Variants in CRAMP1 observed in about 807,000 individuals in gnomAD.
The protein encoded by CRAMP1 is cramped chromatin regulator 1, also known as protein cramped-like.
In CRAMP1, 50 loss-of-function variants were observed where a neutral mutation model predicts 115.4. The observed-to-expected ratio is 0.43, with a 90% CI of 0.35 to 0.55. The LOEUF (loss-of-function observed/expected upper bound fraction) is 0.55, where lower values mean the gene tolerates loss of function less well. CRAMP1 is among the 20% of genes least tolerant of loss of function. The pLI, the probability that CRAMP1 is intolerant of heterozygous loss-of-function variation, is 0.01. For synonymous variants in CRAMP1, 866 were observed against 745.4 expected (o/e 1.16, Z -2.64); for missense variants, 1,679 against 1,721.7 (o/e 0.98, Z 0.44).
At chr16:1,628,498 C>T (rs2036524398) in intron 3 of CRAMP1, among the ~76,000 whole-genome samples, 1 of 152,230 alleles carries the variant, frequency 6.6e-6, no homozygotes, top group Admixed American at 6.5e-5. Flanking sequence ...GGGTGATCCA[C>T]CTGCCCCAGC....
chr16:1,659,926 C>G lies in CRAMP1; in HGVS notation c.2276C>G (p.Pro759Arg), dbSNP rs1317423233. Residue 759 changes from proline to arginine, a missense_variant, in exon 11 of 21, where the codon CCC becomes CGC. By Grantham distance (103) the Pro-to-Arg change is moderately radical. This residue lies in a region of CRAMP1 where 709 missense variants were observed against 741.9 expected (regional missense o/e 0.96). Coordinates refer to ENST00000397412, the MANE Select transcript of CRAMP1 (RefSeq NM_020825.4). ...ANTISTASVR[P>R]AQEEQSMTPP... ...ACCATCTCTACAGCCTCAGTAAGGCCCGCCCAGGAGGAGCAGTCGATGACG... is the reference window on the plus strand; with the variant it reads ...ACCATCTCTACAGCCTCAGTAAGGCGCGCCCAGGAGGAGCAGTCGATGACG... The G allele has an allele frequency of 1.9e-5, 31 of 1,612,828 alleles. No homozygotes were observed. Among genetic ancestry groups the G allele is most frequent in the Non-Finnish European group, 2.6e-5 (31 of 1,179,842 alleles).
At chr16:1,640,913 C>T (rs1287442333) in intron 5 of CRAMP1, among the ~76,000 whole-genome samples, 1 of 152,136 alleles carries the variant, frequency 6.6e-6, no homozygotes, top group Non-Finnish European at 1.5e-5. Context: ...GGGGGCCAGG[C>T]AGGGGCGTGC....
intron 19 of CRAMP1, chr16:1,670,404 G>A (rs1425618681): frequency 4.5e-6 from 2 of 441,912 alleles, no homozygotes; most frequent in Non-Finnish European, 8.2e-6. Flanking sequence ...CCGTGATGGG[G>A]GTGGGGGATG....
chr16:1,663,556 G>A (rs569870733), intron 13 of CRAMP1, among the ~76,000 whole-genome samples: 1 of 152,262 alleles, frequency 6.6e-6, no homozygotes, highest in Non-Finnish European at 1.5e-5. Context: ...CAGCCTGACT[G>A]TTGTTTTGTT....
intron 13 of CRAMP1, among the ~76,000 whole-genome samples, chr16:1,663,645 C>T (rs1201927016): frequency 6.6e-6 from 1 of 152,122 alleles, no homozygotes; most frequent in Non-Finnish European, 1.5e-5. Flanking sequence ...TCAGTGGTCA[C>T]AAGGTGTACG....
chr16:1,662,786 A>G lies in CRAMP1; in HGVS notation c.2621A>G (p.Lys874Arg). Residue 874 changes from lysine to arginine, a missense_variant, in exon 13 of 21, where the codon AAG becomes AGG. This residue lies in a region of CRAMP1 where 709 missense variants were observed against 741.9 expected (regional missense o/e 0.96). Coordinates refer to ENST00000397412, the MANE Select transcript of CRAMP1 (RefSeq NM_020825.4). The part of the protein sequence containing the change: ...ISMQSDFFLP[K>R]PRKLRNRHLR... ...ATGCAGTCGGATTTCTTCCTGCCAA[A>G]GCCCCGGAAGCTGCGGAACCGGCAC... 6 of 1,613,892 alleles carry G rather than the reference A, an allele frequency of 3.7e-6. No individual in the cohort carries two copies. Among genetic ancestry groups the G allele is most frequent in the Non-Finnish European group, 5.1e-6 (6 of 1,179,876 alleles).
intron 6 of CRAMP1, chr16:1,647,144 C>G: frequency 1.4e-6 from 1 of 691,074 alleles, no homozygotes; most frequent in Non-Finnish European, 2.6e-6. Context: ...GACTTGCTGT[C>G]GCCTCTACCT....
rs1222198199 is a variant in CRAMP1 at position 1,671,311 on chromosome 16, C to G, written c.3645+502C>G. 6.6e-6 allele frequency among the ~76,000 whole-genome samples: 1 copy of G among 152,170 alleles called. No homozygotes were observed. Among genetic ancestry groups the G allele is most frequent in the Admixed American group, 6.5e-5 (1 of 15,284 alleles). ...GGGCTCTGCTGTCCTCATGCTTCTC[C>G]CACGCCCAGGGTAGTGATAGGAGGA... is the stretch of plus-strand genomic sequence containing the variant. On this transcript the variant is annotated intron_variant, in intron 20 of 20. Coordinates refer to ENST00000397412, the MANE Select transcript of CRAMP1 (RefSeq NM_020825.4). The surrounding 1 kb of genome is among the most constrained non-coding windows in gnomAD (Gnocchi z 5.0).
chr16:1,628,357 G>A (rs1291209963), intron 3 of CRAMP1, among the ~76,000 whole-genome samples: 1 of 152,174 alleles, frequency 6.6e-6, no homozygotes, highest in Non-Finnish European at 1.5e-5. Flanking sequence ...GGGTTAAAGC[G>A]ATTCTCCTGC....
intron 2 of CRAMP1, among the ~76,000 whole-genome samples, chr16:1,622,099 AG>A (rs2036469877): frequency 6.6e-6 from 1 of 152,080 alleles, no homozygotes; most frequent in South Asian, 2.1e-4. Flanking sequence ...ATTTCGCTTG[AG>A]CTGTACTCAG....
At position 1,656,242 on chromosome 16, in the gene CRAMP1, C is replaced by G. The variant is rs766016548; in HGVS notation, c.1485C>G (p.Pro495=). The G allele has an allele frequency of 1.9e-6, 3 of 1,609,176 alleles. No individual in the cohort carries two copies. Among genetic ancestry groups the G allele is most frequent in the African/African-American group, 2.7e-5 (2 of 74,856 alleles). Residue 495 remains proline (P), a synonymous_variant, in exon 10 of 21, where the codon CCC becomes CCG. Coordinates refer to ENST00000397412, the MANE Select transcript of CRAMP1 (RefSeq NM_020825.4). This position sits in a 1 kb window ranked among gnomAD's most constrained non-coding sequence, Gnocchi z 5.6. ...GAGAGAGTTCCCCCGAAAGCGCCCCCGGGGAGGGGGCTGCCCTAAGCTTGA... is the reference window on the plus strand; with the variant it reads ...GAGAGAGTTCCCCCGAAAGCGCCCCGGGGGAGGGGGCTGCCCTAAGCTTGA... ...SSGESSPESA[P]GEGAALSLSS... is the part of the protein sequence containing the mutation.
At chr16:1,617,560 A>G (rs2036431537) in intron 2 of CRAMP1, among the ~76,000 whole-genome samples, 1 of 152,204 alleles carries the variant, frequency 6.6e-6, no homozygotes, top group South Asian at 2.1e-4. Flanking sequence ...TTCACTTGGA[A>G]ATGATGTAAC....
chr16:1,629,683 G>C (rs549144689), intron 3 of CRAMP1, among the ~76,000 whole-genome samples: 1 of 152,336 alleles, frequency 6.6e-6, no homozygotes, highest in East Asian at 1.9e-4. Flanking sequence ...TCTTGCCGAG[G>C]CCCAGGGAGC....
rs2036950329 is a variant in CRAMP1, at chr16:1,674,446, C to T, written c.*401C>T. On this transcript the variant is annotated 3_prime_UTR_variant, in exon 21 of 21. Coordinates refer to ENST00000397412, the MANE Select transcript of CRAMP1 (RefSeq NM_020825.4). ...GCACTAGGAGCTGTGATCTCCCTCT[C>T]TGCAGGGAGGCCCCAGCCCCTGCTG... The T allele has an allele frequency of 4.8e-6, 1 of 209,008 alleles. No individual in the cohort carries two copies. Among genetic ancestry groups the T allele is most frequent in the Non-Finnish European group, 9.7e-6 (1 of 102,626 alleles). 12.9% of individuals were successfully genotyped at this position (209,008 alleles called of 1,614,324 possible).
Position 1,614,839 on chromosome 16 carries a change from A to G in CRAMP1, c.200A>G (p.Gln67Arg). 7.8e-7 allele frequency: 1 copy of G among 1,276,752 alleles called. No individual in the cohort carries two copies. Among genetic ancestry groups the G allele is most frequent in the Non-Finnish European group, 9.8e-7 (1 of 1,015,946 alleles). 79.1% of individuals were successfully genotyped at this position (1,276,752 alleles called of 1,614,324 possible). Residue 67 changes from glutamine to arginine, a missense_variant, in exon 2 of 21, where the codon CAG becomes CGG. By Grantham distance (43) the Gln-to-Arg change is conservative. This residue lies in a region of CRAMP1 where 264 missense variants were observed against 229.7 expected (regional missense o/e 1.15). Transcript: ENST00000397412. This position sits in a 1 kb window ranked among gnomAD's most constrained non-coding sequence, Gnocchi z 4.4. Reference sequence around the variant, plus strand: ...CCCCCCGCGCCCCCCGGCGCGCCGCAGGCGCCGTCCCCGCCGCAGGGCAGC... The same window carrying G: ...CCCCCCGCGCCCCCCGGCGCGCCGCGGGCGCCGTCCCCGCCGCAGGGCAGC... ...DGPPAPPGAPQAPSPPQGSPQ... is the reference protein window; with the variant it reads ...DGPPAPPGAPRAPSPPQGSPQ...
rs199939819 is a variant in CRAMP1 at position 1,662,641 on chromosome 16, G to T, written c.2565G>T (p.Leu855=). The T allele has an allele frequency of 1.1e-5, 18 of 1,614,032 alleles. No individual in the cohort carries two copies. The African/African-American group carries it at 2.0e-4, about 18-fold the overall frequency. Residue 855 remains leucine, a synonymous_variant, in exon 12 of 21, where the codon CTG becomes CTT. Coordinates refer to ENST00000397412, the MANE Select transcript of CRAMP1 (RefSeq NM_020825.4). ...KLFSPSKEAE[L]TFRQHLNSIS... ...TCTCTCCCAGTAAAGAAGCAGAGCT[G>T]ACTTTCCGCCAGCATCTGAACTCCA...
Position 1,674,020 on chromosome 16 carries a change from C to T in CRAMP1, c.3785C>T (p.Pro1262Leu). The change falls in exon 21 of 21, where the codon CCC (proline) becomes CTC (leucine). Residue 1262 changes from proline (P) to leucine (L), a missense_variant. Coordinates refer to ENST00000397412, the MANE Select transcript of CRAMP1 (RefSeq NM_020825.4). ...EALFDGGGGG[P>L]AVSDLSQ is the part of the protein sequence containing the mutation. ...CTGTTTGATGGTGGTGGAGGCGGCCCCGCTGTCAGTGACCTGTCCCAGTGA... is the reference window on the plus strand; with the variant it reads ...CTGTTTGATGGTGGTGGAGGCGGCCTCGCTGTCAGTGACCTGTCCCAGTGA... 1 of 1,612,178 alleles carries T rather than the reference C, an allele frequency of 6.2e-7. No homozygotes were observed. The highest frequency in any genetic ancestry group is 8.5e-7 in the Non-Finnish European group (1 of 1,179,866).
chr16:1,656,201 G>T lies in CRAMP1; in HGVS notation c.1444G>T (p.Ala482Ser). 1 of 1,603,106 alleles carries T rather than the reference G, an allele frequency of 6.2e-7. No homozygotes were observed. Among genetic ancestry groups the T allele is most frequent in the Non-Finnish European group, 8.5e-7 (1 of 1,175,766 alleles). The change falls in exon 10 of 21, where the codon GCC becomes TCC. Residue 482 changes from alanine to serine, a missense_variant. Coordinates refer to ENST00000397412, the MANE Select transcript of CRAMP1 (RefSeq NM_020825.4). The surrounding 1 kb of genome is among the most constrained non-coding windows in gnomAD (Gnocchi z 5.6). The part of the protein sequence containing the change: ...GVGRPPPAAD[A>S]LQSSGESSPE... ...GGGGCGGCCCCCTCCTGCGGCTGAC[G>T]CCTTGCAGAGCTCCGGAGAGAGTTC...
chr16:1,652,637 A>G lies in CRAMP1; in HGVS notation c.913+56A>G, dbSNP rs554615163. ...GGCGGTGCCCATGGTGTCCCATTCA[A>G]TGATGGGCAGGCTGAGCTACCGGGT... On this transcript the variant is annotated intron_variant, in intron 7 of 20. Coordinates refer to ENST00000397412, the MANE Select transcript of CRAMP1 (RefSeq NM_020825.4). The G allele has an allele frequency of 2.6e-5, 38 of 1,448,476 alleles. No homozygotes were observed. In the South Asian group the frequency reaches 3.7e-4, roughly 14 times the overall value. The allele number at this position is 1,448,476 out of a possible 1,614,324, so 89.7% of individuals were successfully genotyped here. A position where few individuals can be genotyped will look rare whatever the true frequency, so the allele number is the denominator to read the frequency against.
Sources: gnomAD v4.1 joint callset for allele counts (sites outside exome capture counted in the v4.1 genomes callset) on GRCh38, gnomAD v4.1.1 for gene constraint, gnomAD v4.1.1 regional missense constraint, Gnocchi (gnomAD v3.1) non-coding constraint, MANE v1.5 for transcripts, NCBI Gene and HGNC (gene_info 2026-07-23, HGNC 2026-07-21) for gene names.